Variants in INCENP observed in about 807,000 individuals in gnomAD.
INCENP encodes the protein binds and activates aurora-B and -C in vivo and in vitro.
A neutral mutation model predicts 107.3 loss-of-function variants in INCENP; 43 were observed. The observed-to-expected ratio is 0.40, with a 90% CI of 0.31 to 0.52. The LOEUF is 0.52. Among genes scored for constraint, INCENP ranks in the 20% least tolerant of loss-of-function variants. The pLI is 0.53. For synonymous variants in INCENP, 488 were observed against 494.4 expected (o/e 0.99, Z 0.17); for missense variants, 1,089 against 1,250.9 (o/e 0.87, Z 1.95).
At chr11:62,127,788 G>C (rs903720923) in intron 1 of INCENP, among the ~76,000 whole-genome samples, 2 of 151,996 alleles carry the variant, frequency 1.3e-5, no homozygotes, top group African/African-American at 4.8e-5. Context: ...GGGTGGCCAG[G>C]AAGACAGATG....
chr11:62,144,741 T>C (rs1944199083), intron 11 of INCENP: 1 of 750,092 alleles, frequency 1.3e-6, no homozygotes, highest in East Asian at 2.5e-5. Flanking sequence ...CAGGGCTCAA[T>C]GGAGGGCACT....
In INCENP at chr11:62,152,080, T is replaced by C; in HGVS notation, c.*104T>C. The C allele has an allele frequency of 1.3e-6, 1 of 795,196 alleles. No individual in the cohort carries two copies. The highest frequency in any genetic ancestry group is 1.9e-6 in the Non-Finnish European group (1 of 529,278). The allele number at this position is 795,196 out of a possible 1,614,324, so 49.3% of individuals were successfully genotyped here. ...GTTGCCCTCCTTCTTGGCATGCCAT[T>C]GTGGAGGGCTTGGCCAGGTGTATAT... On this transcript the variant is annotated 3_prime_UTR_variant, in exon 19 of 19. Transcript: ENST00000394818.
intron 4 of INCENP, among the ~76,000 whole-genome samples, chr11:62,135,050 CAA>C (rs974657611): frequency 6.9e-6 from 1 of 144,690 alleles, no homozygotes; most frequent in Non-Finnish European, 1.5e-5. Context: ...GACTCTGTCT[CAA>C]AAAAAAAAAG....
At chr11:62,131,216 A>G (rs1325029921) in intron 4 of INCENP, among the ~76,000 whole-genome samples, 2 of 152,106 alleles carry the variant, frequency 1.3e-5, no homozygotes, top group Non-Finnish European at 2.9e-5. Flanking sequence ...CAACTCAGCC[A>G]TTCACCCACC....
intron 1 of INCENP, among the ~76,000 whole-genome samples, chr11:62,125,772 G>A (rs1361538858): frequency 6.6e-6 from 1 of 152,202 alleles, no homozygotes; most frequent in Non-Finnish European, 1.5e-5. Flanking sequence ...TTGTTGCCAG[G>A]CACTGCTGTG....
intron 4 of INCENP, among the ~76,000 whole-genome samples, chr11:62,132,684 G>A (rs1280844563): frequency 6.6e-6 from 1 of 152,180 alleles, no homozygotes; most frequent in Non-Finnish European, 1.5e-5. Context: ...CAGCTCTCAT[G>A]CCCTTCCATC....
At chr11:62,136,467 A>G (rs1943996669) in intron 4 of INCENP, among the ~76,000 whole-genome samples, 1 of 152,094 alleles carries the variant, frequency 6.6e-6, no homozygotes, top group Non-Finnish European at 1.5e-5. Context: ...GGTTCACTTG[A>G]GGACGAGTTC....
intron 3 of INCENP, among the ~76,000 whole-genome samples, chr11:62,129,539 A>G (rs1029600087): frequency 2.0e-5 from 3 of 152,128 alleles, no homozygotes; most frequent in African/African-American, 7.2e-5. Context: ...GATGAATATA[A>G]TCTTCCTAGC....
At chr11:62,133,909 T>C (rs1191511008) in intron 4 of INCENP, among the ~76,000 whole-genome samples, 1 of 152,156 alleles carries the variant, frequency 6.6e-6, no homozygotes, top group Non-Finnish European at 1.5e-5. Context: ...CCTGAGACCC[T>C]GTGCACCCCA....
intron 3 of INCENP, 92 bp from the exon 4 acceptor site, chr11:62,129,690 T>C: frequency 9.3e-7 from 1 of 1,069,706 alleles, no homozygotes; most frequent in Non-Finnish European, 1.3e-6. Context: ...CCTTCTCTTA[T>C]CATACTCTAT....
At position 62,130,671 on chromosome 11, in the gene INCENP, G is replaced by A; in HGVS notation, c.1063+81G>A. 3.9e-6 allele frequency: 5 copies of A among 1,286,740 alleles called. No homozygotes were observed. In the South Asian group the frequency reaches 6.9e-5, roughly 18 times the overall value. The allele number at this position is 1,286,740 out of a possible 1,614,324, so 79.7% of individuals were successfully genotyped here. A position where few individuals can be genotyped will look rare whatever the true frequency, so the allele number is the denominator to read the frequency against. On this transcript the variant is annotated intron_variant, in intron 4 of 18. Transcript: ENST00000394818. ...GGCTTTCTGAGGGATCATCTAGCAA[G>A]GAGCTGTCCAGAGAGCTTTCTGCAG...
chr11:62,139,182 C>T (rs577951922), intron 7 of INCENP, among the ~76,000 whole-genome samples, 177 bp downstream of exon 7: 41 of 152,280 alleles, frequency 2.7e-4, no homozygotes, highest in African/African-American at 9.4e-4. Context: ...CACCTCCCAC[C>T]GTTGGGCTGG....
In INCENP at chr11:62,140,235, G is replaced by A. The variant is rs139833093; in HGVS notation, c.1293G>A (p.Glu431=). Reference sequence around the variant, plus strand: ...TTGCTGAAATTGCTGTCTTCACAGAGGCCAAGACGGACCAAGCAGATGGAC... The same window carrying A: ...TTGCTGAAATTGCTGTCTTCACAGAAGCCAAGACGGACCAAGCAGATGGAC... ...SPETPSAGQQ[E]AKTDQADGPR... The change falls in exon 8 of 19, where the codon GAG becomes GAA. Residue 431 remains glutamate (E), a splice_region_variant and synonymous_variant. Coordinates refer to ENST00000394818, the MANE Select transcript of INCENP (RefSeq NM_001040694.2). 77 of 1,613,572 alleles carry A rather than the reference G, an allele frequency of 4.8e-5. No homozygotes were observed. In the East Asian group the frequency reaches 1.6e-3, roughly 33 times the overall value.
At chr11:62,144,909 TG>T in intron 11 of INCENP, 72 bp from the exon 12 acceptor site, 2 of 1,357,038 alleles carry the variant, frequency 1.5e-6, no homozygotes, top group Non-Finnish European at 1.0e-6. Flanking sequence ...CTGGGGACTG[TG>T]GGCAGCTTTT....
chr11:62,125,063 G>A (rs1565087783), intron 1 of INCENP, among the ~76,000 whole-genome samples: 1 of 152,242 alleles, frequency 6.6e-6, no homozygotes, highest in Non-Finnish European at 1.5e-5. Flanking sequence ...AAGTGTTGGA[G>A]AGGAGGAAGA....
At chr11:62,138,627 C>G (rs1944041876) in intron 5 of INCENP, 86 bp from the exon 6 acceptor site, 1 of 1,327,206 alleles carries the variant, frequency 7.5e-7, no homozygotes, top group South Asian at 1.2e-5. Flanking sequence ...TCTTGGGTCC[C>G]CATCCCTGGA....
Position 62,152,733 on chromosome 11 carries a change from T to C in INCENP, c.*757T>C, listed in dbSNP as rs1018487083. ...AGAGCATCTATGTGCTGGTGAAGCA[T>C]GAGGTCTGAGTAGAAAAGGGGTATC... is the stretch of plus-strand genomic sequence containing the variant. On this transcript the variant is annotated 3_prime_UTR_variant, in exon 19 of 19. Transcript: ENST00000394818. 3.9e-5 allele frequency: 6 copies of C among 152,234 alleles called. No individual in the cohort carries two copies. The highest frequency in any genetic ancestry group is 1.4e-4 in the African/African-American group (6 of 41,438). The allele number at this position is 152,234 out of a possible 1,614,324, so 9.4% of individuals were successfully genotyped here.
At chr11:62,142,545 C>T (rs780992809) in intron 11 of INCENP, among the ~76,000 whole-genome samples, 2 of 152,224 alleles carry the variant, frequency 1.3e-5, no homozygotes, top group Non-Finnish European at 2.9e-5. Context: ...CAGGGGGCTA[C>T]GGAGTCATTT....
Position 62,130,430 on chromosome 11 carries a change from A to T in INCENP, c.903A>T (p.Gln301His), listed in dbSNP as rs1943865519. 1 of 1,613,866 alleles carries T rather than the reference A, an allele frequency of 6.2e-7. No individual in the cohort carries two copies. Among genetic ancestry groups the T allele is most frequent in the Non-Finnish European group, 8.5e-7 (1 of 1,180,026 alleles). ...CCACGGGCTCTCGCACGGACTCTCA[A>T]TCGGTGCGGCACAGCCCGATCGCCC... ...STPTGSRTDS[Q>H]SVRHSPIAPS... Residue 301 changes from glutamine (Q) to histidine (H), a missense_variant, in exon 4 of 19, where the codon CAA (glutamine) becomes CAT (histidine). By Grantham distance (24) the Gln-to-His change is conservative (BLOSUM62 0). Coordinates refer to ENST00000394818, the MANE Select transcript of INCENP (RefSeq NM_001040694.2).
Sources: allele counts gnomAD v4.1 joint callset (sites outside exome capture counted in the v4.1 genomes callset), GRCh38; gene constraint gnomAD v4.1.1; transcripts MANE v1.5; gene names NCBI Gene and HGNC (gene_info 2026-07-23, HGNC 2026-07-21).